The following H1-7 variants were observed in gnomAD, a reference collection of about 807,000 sequenced individuals.
H1-7 encodes testis-specific H1 histone.
Under a neutral mutation model 0.3 loss-of-function variants are expected in H1-7, and 1 was observed. That is an observed-to-expected ratio of 3.06 (90% CI 1.09 to 14.53). H1-7 has a LOEUF of 14.53. H1-7 is among the 30% of genes most tolerant of loss of function. The pLI, the probability that H1-7 is intolerant of heterozygous loss-of-function variation, is 0.12. For missense variants in H1-7, 393 were observed against 353.1 expected (o/e 1.11, Z -0.91); for synonymous variants, 177 against 153.2 (o/e 1.16, Z -1.15).
chr12:48,330,001 C>G lies in H1-7; in HGVS notation c.710C>G (p.Ser237Cys). 6 of 1,613,292 alleles carry G rather than the reference C, an allele frequency of 3.7e-6. No homozygotes were observed. Among genetic ancestry groups the G allele is most frequent in the Non-Finnish European group, 4.2e-6 (5 of 1,179,666 alleles). The stretch of plus-strand genomic sequence containing the variant: ...TCAGGGAAGGACAAGAGGCGAAGCT[C>G]CAAGCCCAGGGAAGAGAAGCAGGAG... ...PRSGKDKRRS[S>C]KPREEKQEPK... is the part of the protein sequence containing the mutation. Residue 237 changes from serine (S) to cysteine (C), a missense_variant, in exon 1 of 1, where the codon TCC becomes TGC. Ser to Cys is a moderately radical substitution (Grantham distance 112). Coordinates refer to ENST00000335017, the MANE Select transcript of H1-7 (RefSeq NM_181788.1).
Position 48,329,315 on chromosome 12 carries a change from G to A in H1-7, c.24G>A (p.Glu8=), listed in dbSNP as rs1287005392. 15 of 1,595,654 alleles carry A rather than the reference G, an allele frequency of 9.4e-6. No homozygotes were observed. The highest frequency in any genetic ancestry group is 1.3e-5 in the Non-Finnish European group (15 of 1,171,544). MEQALTG[E]AQSRWPRRGG... is the part of the protein sequence containing the mutation. ...CTATGGAACAGGCCTTGACTGGTGAGGCCCAAAGCCGGTGGCCCCGCAGAG... is the reference window on the plus strand; with the variant it reads ...CTATGGAACAGGCCTTGACTGGTGAAGCCCAAAGCCGGTGGCCCCGCAGAG... The change falls in exon 1 of 1, where the codon GAG becomes GAA. Residue 8 remains glutamate (E), a synonymous_variant. Transcript: ENST00000335017.
chr12:48,329,245 A>T lies in H1-7; in HGVS notation c.-47A>T, dbSNP rs1164281965. 1 of 1,470,566 alleles carries T rather than the reference A, an allele frequency of 6.8e-7. No individual in the cohort carries two copies. Among genetic ancestry groups the T allele is most frequent in the Non-Finnish European group, 9.0e-7 (1 of 1,110,746 alleles). 91.1% of individuals were successfully genotyped at this position (1,470,566 alleles called of 1,614,324 possible). ...CCAGCCCCATAATTAGGACCTGAAA[A>T]TCTCTGCCAGGCCTGCCTTTGTGAC... On this transcript the variant is annotated 5_prime_UTR_variant, in exon 1 of 1. Coordinates refer to ENST00000335017, the MANE Select transcript of H1-7 (RefSeq NM_181788.1).
At position 48,329,915 on chromosome 12, in the gene H1-7, G is replaced by A. The variant is rs752139341; in HGVS notation, c.624G>A (p.Ala208=). 28 of 1,597,966 alleles carry A rather than the reference G, an allele frequency of 1.8e-5. No individual in the cohort carries two copies. Among genetic ancestry groups the A allele is most frequent in the South Asian group, 1.2e-4 (11 of 89,100 alleles). Residue 208 remains alanine (A), a synonymous_variant, in exon 1 of 1, where the codon GCG becomes GCA. Transcript: ENST00000335017. ...EPPCARAKEE[A]GATAADEGRG... is the part of the protein sequence containing the mutation. The stretch of plus-strand genomic sequence containing the variant: ...CGTGTGCCAGAGCCAAGGAGGAAGC[G>A]GGAGCGACAGCGGCAGACGAGGGGC...
chr12:48,329,765 C>A lies in H1-7; in HGVS notation c.474C>A (p.Arg158=), dbSNP rs1952545683. ...CGCCCCGGAGCTCCCGGAGGCGCCGCCAGCCCCTTCGCAAGGCGGCCAGGA... is the reference window on the plus strand; with the variant it reads ...CGCCCCGGAGCTCCCGGAGGCGCCGACAGCCCCTTCGCAAGGCGGCCAGGA... ...PAAPRSSRRR[R]QPLRKAARKA... Residue 158 remains arginine, a synonymous_variant, in exon 1 of 1, where the codon CGC becomes CGA. Coordinates refer to ENST00000335017, the MANE Select transcript of H1-7 (RefSeq NM_181788.1). 6.3e-7 allele frequency: 1 copy of A among 1,599,258 alleles called. No homozygotes were observed. The highest frequency in any genetic ancestry group is 1.1e-5 in the South Asian group (1 of 89,368).
rs768239644 is a variant in H1-7, at chr12:48,329,887, C to A, written c.596C>A (p.Pro199Gln). 5.7e-6 allele frequency: 9 copies of A among 1,589,650 alleles called. No individual in the cohort carries two copies. The African/African-American group carries it at 1.1e-4, about 19-fold the overall frequency. Residue 199 changes from proline (P) to glutamine (Q), a missense_variant, in exon 1 of 1, where the codon CCG (proline) becomes CAG (glutamine). Physicochemically the swap from Pro to Gln is moderately conservative, Grantham distance 76. Transcript: ENST00000335017. ...AGGGCAAGGCCGAGAGCCAAGGAGCCGCCGTGTGCCAGAGCCAAGGAGGAA... is the reference window on the plus strand; with the variant it reads ...AGGGCAAGGCCGAGAGCCAAGGAGCAGCCGTGTGCCAGAGCCAAGGAGGAA... ...TRRARPRAKE[P>Q]PCARAKEEAG...
In H1-7 at chr12:48,329,871, C is replaced by T. The variant is rs1309173700; in HGVS notation, c.580C>T (p.Pro194Ser). The T allele has an allele frequency of 2.5e-6, 4 of 1,589,150 alleles. No homozygotes were observed. The highest frequency in any genetic ancestry group is 1.8e-5 in the Admixed American group (1 of 54,108). The change falls in exon 1 of 1, where the codon CCG becomes TCG. Residue 194 changes from proline to serine, a missense_variant. Physicochemically the swap from Pro to Ser is moderately conservative, Grantham distance 74. Transcript: ENST00000335017. ...GGCGAGGAGGACCAGGAGGGCAAGG[C>T]CGAGAGCCAAGGAGCCGCCGTGTGC... ...ARARRTRRAR[P>S]RAKEPPCARA...
At position 48,329,467 on chromosome 12, in the gene H1-7, G is replaced by C; in HGVS notation, c.176G>C (p.Arg59Thr). 1 of 1,614,178 alleles carries C rather than the reference G, an allele frequency of 6.2e-7. No homozygotes were observed. The highest frequency in any genetic ancestry group is 8.5e-7 in the Non-Finnish European group (1 of 1,180,014). Residue 59 changes from arginine to threonine, a missense_variant, in exon 1 of 1, where the codon AGA (arginine) becomes ACA (threonine). By Grantham distance (71) the Arg-to-Thr change is moderately conservative (BLOSUM62 -1). Coordinates refer to ENST00000335017, the MANE Select transcript of H1-7 (RefSeq NM_181788.1). The stretch of plus-strand genomic sequence containing the variant: ...AGGGGCTGCTCAAGCTCCGTGCTCA[G>C]AGTGTCCCAGTTGGTGCTCCAGGCC... ...PSRGCSSSVL[R>T]VSQLVLQAIS...
In H1-7 at chr12:48,330,178, G is replaced by C. The variant is rs2136158006; in HGVS notation, c.*119G>C. On this transcript the variant is annotated 3_prime_UTR_variant, in exon 1 of 1. Transcript: ENST00000335017. Reference sequence around the variant, plus strand: ...CCTGATCCAGTTGGGAATGCATCTTGTGGGAGCAGCTTCACTCCCACCACG... The same window carrying C: ...CCTGATCCAGTTGGGAATGCATCTTCTGGGAGCAGCTTCACTCCCACCACG... 1 of 1,176,232 alleles carries C rather than the reference G, an allele frequency of 8.5e-7. No homozygotes were observed. The highest frequency in any genetic ancestry group is 2.6e-5 in the East Asian group (1 of 38,964). The allele number at this position is 1,176,232 out of a possible 1,614,324, so 72.9% of individuals were successfully genotyped here.
At position 48,329,923 on chromosome 12, in the gene H1-7, C is replaced by G. The variant is rs373534283; in HGVS notation, c.632C>G (p.Thr211Arg). 1 of 1,600,752 alleles carries G rather than the reference C, an allele frequency of 6.2e-7. No homozygotes were observed. The highest frequency in any genetic ancestry group is 1.1e-5 in the South Asian group (1 of 89,472). Residue 211 changes from threonine to arginine, a missense_variant, in exon 1 of 1, where the codon ACA becomes AGA. Coordinates refer to ENST00000335017, the MANE Select transcript of H1-7 (RefSeq NM_181788.1). ...AGAGCCAAGGAGGAAGCGGGAGCGA[C>G]AGCGGCAGACGAGGGGCGAGGACAG... ...CARAKEEAGA[T>R]AADEGRGQAV...
chr12:48,329,618 C>G lies in H1-7; in HGVS notation c.327C>G (p.Leu109=). The change falls in exon 1 of 1, where the codon CTC becomes CTG. Residue 109 remains leucine, a synonymous_variant. Coordinates refer to ENST00000335017, the MANE Select transcript of H1-7 (RefSeq NM_181788.1). ...GGGGGCAGGCCAAGGCCACGCTCCT[C>G]CGGGTCAGCGGCAGCGACGCCGCCG... is the stretch of plus-strand genomic sequence containing the variant. ...APRGQAKATL[L]RVSGSDAAGY... 1 of 1,612,238 alleles carries G rather than the reference C, an allele frequency of 6.2e-7. No homozygotes were observed. The highest frequency in any genetic ancestry group is 8.5e-7 in the Non-Finnish European group (1 of 1,179,480).
Position 48,329,275 on chromosome 12 carries a change from C to A in H1-7, c.-17C>A. The A allele has an allele frequency of 1.3e-6, 2 of 1,513,038 alleles. No homozygotes were observed. The highest frequency in any genetic ancestry group is 1.4e-5 in the South Asian group (1 of 74,016). The allele number at this position is 1,513,038 out of a possible 1,614,324, so 93.7% of individuals were successfully genotyped here. On this transcript the variant is annotated 5_prime_UTR_variant, in exon 1 of 1. Transcript: ENST00000335017. ...TGCCAGGCCTGCCTTTGTGACGTGGCCCAGTCTACCTCAGCTATGGAACAG... is the reference window on the plus strand; with the variant it reads ...TGCCAGGCCTGCCTTTGTGACGTGGACCAGTCTACCTCAGCTATGGAACAG...
chr12:48,329,999 C>T lies in H1-7; in HGVS notation c.708C>T (p.Ser236=), dbSNP rs1415899552. The T allele has an allele frequency of 1.2e-6, 2 of 1,613,720 alleles. No homozygotes were observed. Among genetic ancestry groups the T allele is most frequent in the Admixed American group, 3.3e-5 (2 of 59,990 alleles). Residue 236 remains serine, a synonymous_variant, in exon 1 of 1, where the codon AGC becomes AGT. Coordinates refer to ENST00000335017, the MANE Select transcript of H1-7 (RefSeq NM_181788.1). ...TPRSGKDKRR[S]SKPREEKQEP... ...GGTCAGGGAAGGACAAGAGGCGAAG[C>T]TCCAAGCCCAGGGAAGAGAAGCAGG...
the H1-7 span, chr12:48,329,369 TG>T: frequency 6.2e-7 from 1 of 1,612,078 alleles, no homozygotes; most frequent in Non-Finnish European, 8.5e-7. Context: ...CTGAGGCGCC[TG>T]GGCCCAGTGG....
In H1-7 at chr12:48,329,541, C is replaced by G. The variant is rs2732441; in HGVS notation, c.250C>G (p.Arg84Gly). 0.31 allele frequency: 496,990 copies of G among 1,612,882 alleles called. 82,224 individuals carry two copies. The highest frequency in any genetic ancestry group is 0.38 in the South Asian group (34,364 of 90,996). ...TCTGGCAGCTCTCAAGAAGGAGCTCCGAAACGCCGGCTACGAAGTGCGCAG... is the reference window on the plus strand; with the variant it reads ...TCTGGCAGCTCTCAAGAAGGAGCTCGGAAACGCCGGCTACGAAGTGCGCAG... ...LTLAALKKELRNAGYEVRRKS... is the reference protein window; with the variant it reads ...LTLAALKKELGNAGYEVRRKS... Residue 84 changes from arginine (R) to glycine (G), a missense_variant, in exon 1 of 1, where the codon CGA becomes GGA. By Grantham distance (125) the Arg-to-Gly change is moderately radical (BLOSUM62 -2). Coordinates refer to ENST00000335017, the MANE Select transcript of H1-7 (RefSeq NM_181788.1).
Position 48,329,418 on chromosome 12 carries a change from G to C in H1-7, c.127G>C (p.Glu43Gln). The change falls in exon 1 of 1, where the codon GAA becomes CAA. Residue 43 changes from glutamate to glutamine, a missense_variant. Transcript: ENST00000335017. ...ACACTCAGCCACTCAGCTGCCAGCGGAAAAAACTGTCGGGGGACCATCGAG... is the reference window on the plus strand; with the variant it reads ...ACACTCAGCCACTCAGCTGCCAGCGCAAAAAACTGTCGGGGGACCATCGAG... ...RGHSATQLPAEKTVGGPSRGC... is the reference protein window; with the variant it reads ...RGHSATQLPAQKTVGGPSRGC... 1 of 1,614,196 alleles carries C rather than the reference G, an allele frequency of 6.2e-7. No individual in the cohort carries two copies. Among genetic ancestry groups the C allele is most frequent in the Non-Finnish European group, 8.5e-7 (1 of 1,180,020 alleles).
Position 48,330,200 on chromosome 12 carries a change from C to T in H1-7, c.*141C>T, listed in dbSNP as rs1016444069. On this transcript the variant is annotated 3_prime_UTR_variant, in exon 1 of 1. Coordinates refer to ENST00000335017, the MANE Select transcript of H1-7 (RefSeq NM_181788.1). ...CTTGTGGGAGCAGCTTCACTCCCAC[C>T]ACGGACCAATGCCTTTCCCCCATAG... The T allele has an allele frequency of 1.1e-6, 1 of 934,164 alleles. No homozygotes were observed. The highest frequency in any genetic ancestry group is 1.7e-5 in the African/African-American group (1 of 59,620). The allele number at this position is 934,164 out of a possible 1,614,324, so 57.9% of individuals were successfully genotyped here. A position where few individuals can be genotyped will look rare whatever the true frequency, so the allele number is the denominator to read the frequency against.
rs763776458 is a variant in H1-7 at position 48,329,412 on chromosome 12, C to T, written c.121C>T (p.Pro41Ser). The change falls in exon 1 of 1, where the codon CCA becomes TCA. Residue 41 changes from proline (P) to serine (S), a missense_variant. Pro to Ser is a moderately conservative substitution (Grantham distance 74, BLOSUM62 -1). Coordinates refer to ENST00000335017, the MANE Select transcript of H1-7 (RefSeq NM_181788.1). ...ESRGHSATQL[P>S]AEKTVGGPSR... Reference sequence around the variant, plus strand: ...CCGAGGACACTCAGCCACTCAGCTGCCAGCGGAAAAAACTGTCGGGGGACC... The same window carrying T: ...CCGAGGACACTCAGCCACTCAGCTGTCAGCGGAAAAAACTGTCGGGGGACC... 2 of 1,614,050 alleles carry T rather than the reference C, an allele frequency of 1.2e-6. No homozygotes were observed. Among genetic ancestry groups the T allele is most frequent in the African/African-American group, 1.3e-5 (1 of 74,938 alleles).
chr12:48,329,533 A>T lies in H1-7; in HGVS notation c.242A>T (p.Lys81Met). 6.2e-7 allele frequency: 1 copy of T among 1,613,754 alleles called. No individual in the cohort carries two copies. Among genetic ancestry groups the T allele is most frequent in the Middle Eastern group, 1.6e-4 (1 of 6,062 alleles). The change falls in exon 1 of 1, where the codon AAG (lysine) becomes ATG (methionine). Residue 81 changes from lysine (K) to methionine (M), a missense_variant. Physicochemically the swap from Lys to Met is moderately conservative, Grantham distance 95. Coordinates refer to ENST00000335017, the MANE Select transcript of H1-7 (RefSeq NM_181788.1). The stretch of plus-strand genomic sequence containing the variant: ...GGGCTGACTCTGGCAGCTCTCAAGA[A>T]GGAGCTCCGAAACGCCGGCTACGAA... ...HKGLTLAALKKELRNAGYEVR... is the reference protein window; with the variant it reads ...HKGLTLAALKMELRNAGYEVR...
At position 48,329,782 on chromosome 12, in the gene H1-7, C is replaced by G; in HGVS notation, c.491C>G (p.Ala164Gly). 2 of 1,599,114 alleles carry G rather than the reference C, an allele frequency of 1.3e-6. No homozygotes were observed. Among genetic ancestry groups the G allele is most frequent in the Middle Eastern group, 1.9e-4 (1 of 5,362 alleles). ...AGGCGCCGCCAGCCCCTTCGCAAGG[C>G]GGCCAGGAAGGCCAGAGAAGTGTGG... The part of the protein sequence containing the change: ...SRRRRQPLRK[A>G]ARKAREVWRR... The change falls in exon 1 of 1, where the codon GCG (alanine) becomes GGG (glycine). Residue 164 changes from alanine (A) to glycine (G), a missense_variant. Coordinates refer to ENST00000335017, the MANE Select transcript of H1-7 (RefSeq NM_181788.1).
Sources: allele counts gnomAD v4.1 joint callset, GRCh38; gene constraint gnomAD v4.1.1; transcripts MANE v1.5; gene names NCBI Gene and HGNC (gene_info 2026-07-23, HGNC 2026-07-21).